Variants in FRMD4A observed in about 807,000 individuals in gnomAD.
FRMD4A encodes FERM domain-containing protein 4A.
A neutral mutation model predicts 129.1 loss-of-function variants in FRMD4A; 29 were observed. That is an observed-to-expected ratio of 0.22 (90% confidence interval 0.17 to 0.31). The LOEUF (loss-of-function observed/expected upper bound fraction) is 0.31, where lower values mean the gene tolerates loss of function less well. Among genes scored for constraint, FRMD4A ranks in the 10% least tolerant of loss-of-function variants. The pLI, the probability that FRMD4A is intolerant of heterozygous loss-of-function variation, is 1.00. For synonymous variants in FRMD4A, 634 were observed against 571.6 expected (o/e 1.11, Z -1.56); for missense variants, 1,272 against 1,375.8 (o/e 0.92, Z 1.19).
chr10:14,328,307 C>G (rs1321723094), intron 2 of FRMD4A, among the ~76,000 whole-genome samples: 3 of 140,114 alleles, frequency 2.1e-5, no homozygotes, highest in African/African-American at 8.4e-5. Flanking sequence ...TAGACACTAC[C>G]AGGACAGCAG....
intron 6 of FRMD4A, among the ~76,000 whole-genome samples, chr10:13,766,826 G>A (rs1461209630): frequency 6.6e-6 from 1 of 152,158 alleles, no homozygotes; most frequent in East Asian, 1.9e-4. Flanking sequence ...TGTAATCCCA[G>A]CACTTTGGGA....
At chr10:14,147,628 A>T (rs1840138580) in intron 2 of FRMD4A, among the ~76,000 whole-genome samples, 1 of 152,126 alleles carries the variant, frequency 6.6e-6, no homozygotes, top group Non-Finnish European at 1.5e-5. Context: ...CGTGCGACCT[A>T]GATCCCTGGC....
intron 2 of FRMD4A, chr10:14,326,643 G>A (rs1164640537): frequency 5.1e-6 from 2 of 393,772 alleles, no homozygotes; most frequent in Admixed American, 4.4e-5. Context: ...AACCGAAATG[G>A]CATCATAACA....
chr10:14,239,649 AAAC>A (rs1165116360), intron 2 of FRMD4A, among the ~76,000 whole-genome samples: 1 of 87,316 alleles, frequency 1.1e-5, no homozygotes, highest in African/African-American at 3.9e-5. Context: ...ACAAACAAAC[AAAC>A]AAAAAAAAAC....
In FRMD4A at chr10:13,709,756, G is replaced by A. The variant is rs557980609; in HGVS notation, c.760-2643C>T. Among the ~76,000 whole-genome samples the A allele has an allele frequency of 8.5e-5, 13 of 152,312 alleles. No homozygotes were observed. The East Asian group carries it at 2.5e-3, about 29-fold the overall frequency. The stretch of plus-strand genomic sequence containing the variant: ...TCGGCCTTCTGGGTGTGCGACCTGA[G>A]GGCCCTTTGCTCAGAAGGTCCTTGG... On this transcript the variant is annotated intron_variant, in intron 12 of 24. Coordinates refer to ENST00000357447, the MANE Select transcript of FRMD4A (RefSeq NM_018027.5).
chr10:13,908,717 C>T (rs773222645), intron 2 of FRMD4A, among the ~76,000 whole-genome samples: 22 of 152,208 alleles, frequency 1.4e-4, no homozygotes, highest in Non-Finnish European at 2.4e-4. Flanking sequence ...ATGACCTTCT[C>T]AACATGTCCA....
chr10:13,935,480 T>A (rs11599100), intron 2 of FRMD4A, among the ~76,000 whole-genome samples: 13,838 of 128,182 alleles, frequency 0.11, 1,631 homozygotes, highest in Non-Finnish European at 0.14. Flanking sequence ...AAAAAAGTTG[T>A]TACCAAATGA....
chr10:14,032,698 C>A (rs7907857), intron 2 of FRMD4A, among the ~76,000 whole-genome samples: 5 of 152,094 alleles, frequency 3.3e-5, no homozygotes, highest in Non-Finnish European at 5.9e-5. Flanking sequence ...TGTTCTGTGC[C>A]GTGTCCACCA....
intron 2 of FRMD4A, among the ~76,000 whole-genome samples, chr10:14,224,117 G>T (rs762169372): frequency 4.6e-5 from 7 of 152,118 alleles, no homozygotes; most frequent in Non-Finnish European, 8.8e-5. Context: ...CCATCTGATG[G>T]AAAGAACTAG....
chr10:13,804,076 T>A (rs2093314083), intron 4 of FRMD4A, among the ~76,000 whole-genome samples: 1 of 152,210 alleles, frequency 6.6e-6, no homozygotes, highest in Admixed American at 6.5e-5. Flanking sequence ...TATAAGGTAC[T>A]GTTGTATGTT....
chr10:14,158,837 A>AGAGGAGGAGGAGGAGGAG (rs71388159), intron 2 of FRMD4A, among the ~76,000 whole-genome samples: 5 of 137,132 alleles, frequency 3.6e-5, no homozygotes, highest in African/African-American at 1.4e-4. Context: ...AGGAGGAGAA[A>AGAGGAGGAGGAGGAGGAG]GAGGAGGAGG....
chr10:14,036,516 C>T (rs916322142), intron 2 of FRMD4A, among the ~76,000 whole-genome samples: 1 of 152,160 alleles, frequency 6.6e-6, no homozygotes, highest in African/African-American at 2.4e-5. Context: ...CTTCTTAACC[C>T]GGATTGCTTG....
At chr10:14,094,596 C>T (rs1431256580) in intron 2 of FRMD4A, among the ~76,000 whole-genome samples, 3 of 152,116 alleles carry the variant, frequency 2.0e-5, no homozygotes, top group African/African-American at 4.8e-5. Flanking sequence ...GGTACTGATT[C>T]AGTGAGCCCT....
intron 2 of FRMD4A, among the ~76,000 whole-genome samples, chr10:13,937,221 CCTT>C (rs2095255960): frequency 6.6e-6 from 1 of 152,192 alleles, no homozygotes; most frequent in Non-Finnish European, 1.5e-5. Flanking sequence ...GAATAACACT[CCTT>C]CAATAACAGC....
intron 2 of FRMD4A, among the ~76,000 whole-genome samples, chr10:14,220,298 G>A (rs751555158): frequency 6.6e-6 from 1 of 152,174 alleles, no homozygotes; most frequent in Non-Finnish European, 1.5e-5. Context: ...CCCCACTTCG[G>A]GAAACAGCTC....
At chr10:13,859,732 C>T (rs2094267073) in intron 2 of FRMD4A, among the ~76,000 whole-genome samples, 1 of 152,140 alleles carries the variant, frequency 6.6e-6, no homozygotes, top group African/African-American at 2.4e-5. Context: ...TTAATCGGCC[C>T]CCTCCTTGTG....
chr10:14,058,045 C>T (rs1435569176), intron 2 of FRMD4A, among the ~76,000 whole-genome samples: 2 of 152,172 alleles, frequency 1.3e-5, no homozygotes, highest in Admixed American at 6.5e-5. Context: ...TTCATTAATT[C>T]CCACCCAGGC....
At chr10:13,947,919 C>G (rs79065187) in intron 2 of FRMD4A, among the ~76,000 whole-genome samples, 1 of 151,966 alleles carries the variant, frequency 6.6e-6, no homozygotes, top group African/African-American at 2.4e-5. Context: ...ACTTATCAGG[C>G]GGGGCATAGT....
At position 14,288,453 on chromosome 10, in the gene FRMD4A, G is replaced by C. The variant is rs367877780; in HGVS notation, c.45+41605C>G. On this transcript the variant is annotated intron_variant, in intron 2 of 24. Coordinates refer to ENST00000357447, the MANE Select transcript of FRMD4A (RefSeq NM_018027.5). ...TTTAGACTTACCACGGTCTAAAGAA[G>C]CCATCACTATGTGTTAATAATACCC... Among the ~76,000 whole-genome samples the C allele has an allele frequency of 3.6e-4, 55 of 152,268 alleles. No individual in the cohort carries two copies. The East Asian group carries it at 9.1e-3, about 25-fold the overall frequency.
Sources: allele counts gnomAD v4.1 joint callset (sites outside exome capture counted in the v4.1 genomes callset), GRCh38; gene constraint gnomAD v4.1.1; transcripts MANE v1.5; gene names NCBI Gene and HGNC (gene_info 2026-07-23, HGNC 2026-07-21).